ZNF292: variants seen among roughly 807,000 people sequenced by gnomAD.
The protein encoded by ZNF292 is zinc finger protein 292.
A neutral mutation model predicts 217.9 loss-of-function variants in ZNF292; 26 were observed. That is an observed-to-expected ratio of 0.12 (90% confidence interval 0.09 to 0.17). ZNF292 has a LOEUF of 0.17. ZNF292 is among the 10% of genes least tolerant of loss of function. ZNF292 has a pLI of 1.00. For synonymous variants in ZNF292, 1,257 were observed against 1,124.1 expected (o/e 1.12, Z -2.37); for missense variants, 2,904 against 3,175.2 (o/e 0.91, Z 2.05).
At chr6:87,192,428 A>G (rs1052845435) in intron 1 of ZNF292, among the ~76,000 whole-genome samples, 1 of 151,974 alleles carries the variant, frequency 6.6e-6, no homozygotes, top group Non-Finnish European at 1.5e-5. Flanking sequence ...TCCATCATGG[A>G]TAAGTCAGTT....
rs548794628 is a variant in ZNF292, at chr6:87,186,791, G to C, written c.169-29112G>C. Among the ~76,000 whole-genome samples the C allele has an allele frequency of 3.3e-5, 5 of 152,342 alleles. No individual in the cohort carries two copies. In the East Asian group the frequency reaches 9.6e-4, roughly 29 times the overall value. On this transcript the variant is annotated intron_variant, in intron 1 of 7. Coordinates refer to ENST00000369577, the MANE Select transcript of ZNF292 (RefSeq NM_015021.3). ...GGTGATTCGGAGGAAGGATAATTTGGAGTGGAAGGATCTCCAAAGAGGCAA... is the reference window on the plus strand; with the variant it reads ...GGTGATTCGGAGGAAGGATAATTTGCAGTGGAAGGATCTCCAAAGAGGCAA...
chr6:87,190,199 C>T (rs1448271961), intron 1 of ZNF292, among the ~76,000 whole-genome samples: 1 of 152,176 alleles, frequency 6.6e-6, no homozygotes, highest in Non-Finnish European at 1.5e-5. Context: ...AGACAACCTT[C>T]CATTTTTATA....
Position 87,257,204 on chromosome 6 carries a change from T to C in ZNF292, c.3575T>C (p.Phe1192Ser). 1.2e-6 allele frequency: 2 copies of C among 1,613,900 alleles called. No individual in the cohort carries two copies. Residue 1192 changes from phenylalanine to serine, a missense_variant, in exon 8 of 8, where the codon TTT becomes TCT. Physicochemically the swap from Phe to Ser is radical, Grantham distance 155 (BLOSUM62 -2). Coordinates refer to ENST00000369577, the MANE Select transcript of ZNF292 (RefSeq NM_015021.3). Reference sequence around the variant, plus strand: ...TTGCAGCATGTCTCGCCACCCATTTTTCCAGCTCATTTAGCAAGTGTGTCA... The same window carrying C: ...TTGCAGCATGTCTCGCCACCCATTTCTCCAGCTCATTTAGCAAGTGTGTCA... ...AQLQHVSPPI[F>S]PAHLASVSTP...
Position 87,259,601 on chromosome 6 carries a change from A to G in ZNF292, c.5972A>G (p.Lys1991Arg), listed in dbSNP as rs755525592. 5 of 1,578,566 alleles carry G rather than the reference A, an allele frequency of 3.2e-6. No individual in the cohort carries two copies. Among genetic ancestry groups the G allele is most frequent in the African/African-American group, 1.4e-5 (1 of 74,032 alleles). ...KLKIKRPYGR[K>R]SQSENVPASR... ...AAAATTAAAAGGCCTTATGGAAGAAAATCTCAGAGTGAAAATGTGCCGGCC... is the reference window on the plus strand; with the variant it reads ...AAAATTAAAAGGCCTTATGGAAGAAGATCTCAGAGTGAAAATGTGCCGGCC... The change falls in exon 8 of 8, where the codon AAA becomes AGA. Residue 1991 changes from lysine (K) to arginine (R), a missense_variant. Physicochemically the swap from Lys to Arg is conservative, Grantham distance 26. This residue lies in a region of ZNF292 where 261 missense variants were observed against 272.8 expected (regional missense o/e 0.96). Transcript: ENST00000369577.
intron 4 of ZNF292, among the ~76,000 whole-genome samples, chr6:87,227,392 G>A (rs542247971): frequency 6.6e-6 from 1 of 150,784 alleles, no homozygotes; most frequent in Non-Finnish European, 1.5e-5. Context: ...ATTTTTTTTT[G>A]ACCAACAATG....
chr6:87,203,673 A>G (rs1317450055), intron 1 of ZNF292, among the ~76,000 whole-genome samples: 1 of 151,888 alleles, frequency 6.6e-6, no homozygotes, highest in East Asian at 1.9e-4. Flanking sequence ...TGTTGGGGGA[A>G]GGCATCAGAC....
intron 1 of ZNF292, among the ~76,000 whole-genome samples, chr6:87,195,460 T>C (rs1771929003): frequency 6.6e-6 from 1 of 152,208 alleles, no homozygotes; most frequent in Admixed American, 6.5e-5. Context: ...AAAATTGTTT[T>C]TTAGATAAAG....
At chr6:87,238,900 C>T (rs1429707170) in intron 5 of ZNF292, among the ~76,000 whole-genome samples, 1 of 151,818 alleles carries the variant, frequency 6.6e-6, no homozygotes, top group Non-Finnish European at 1.5e-5. Flanking sequence ...AGCATGCTGC[C>T]TTCAAGCATC....
chr6:87,156,590 C>T (rs749249764), intron 1 of ZNF292, among the ~76,000 whole-genome samples: 3 of 152,166 alleles, frequency 2.0e-5, no homozygotes, highest in East Asian at 1.9e-4. Context: ...ACCCCCTCAC[C>T]CCTGTTTCTT....
At position 87,259,499 on chromosome 6, in the gene ZNF292, C is replaced by T. The variant is rs1562191858; in HGVS notation, c.5870C>T (p.Thr1957Ile). 6.3e-7 allele frequency: 1 copy of T among 1,589,256 alleles called. No homozygotes were observed. The change falls in exon 8 of 8, where the codon ACA becomes ATA. Residue 1957 changes from threonine to isoleucine, a missense_variant. Physicochemically the swap from Thr to Ile is moderately conservative, Grantham distance 89. Around this residue, in one of 15 missense-constraint regions of ZNF292, gnomAD observed 50 missense variants for 90.5 expected, o/e 0.55. Transcript: ENST00000369577. ...FKCVVPTCTK[T>I]FTRNSNLRAH... The stretch of plus-strand genomic sequence containing the variant: ...TGTGTAGTACCTACATGTACAAAAA[C>T]ATTTACAAGAAATTCTAACCTCCGG...
Position 87,168,105 on chromosome 6 carries a change from GAA to G in ZNF292, c.168+12348_168+12349del, listed in dbSNP as rs537411407. Among the ~76,000 whole-genome samples the G allele has an allele frequency of 7.2e-5, 11 of 152,334 alleles. No individual in the cohort carries two copies. The South Asian group carries it at 2.3e-3, about 32-fold the overall frequency. On this transcript the variant is annotated intron_variant, in intron 1 of 7. Coordinates refer to ENST00000369577, the MANE Select transcript of ZNF292 (RefSeq NM_015021.3). ...GAGGCAAGACCAACCAGATTGAAGA[GAA>G]AGGGAATCAGTATTCAGAACAGGCA...
chr6:87,234,572 A>AG (rs1773808561), intron 5 of ZNF292, among the ~76,000 whole-genome samples: 1 of 151,934 alleles, frequency 6.6e-6, no homozygotes, highest in African/African-American at 2.4e-5. Flanking sequence ...AAAAAAAAAA[A>AG]ATTTTTTTTA....
At chr6:87,181,524 CAAA>C (rs1345448360) in intron 1 of ZNF292, among the ~76,000 whole-genome samples, 7 of 152,102 alleles carry the variant, frequency 4.6e-5, no homozygotes, top group Admixed American at 1.3e-4. Context: ...TTTTTGGGCG[CAAA>C]AACAGGAATG....
intron 1 of ZNF292, among the ~76,000 whole-genome samples, chr6:87,198,836 A>G (rs573469104): frequency 6.6e-6 from 1 of 152,364 alleles, no homozygotes; most frequent in Admixed American, 6.5e-5. Flanking sequence ...AAAAGCTATC[A>G]AATATTTCAT....
Position 87,265,135 on chromosome 6 carries a change from CAG to C in ZNF292, c.*3337_*3338del, listed in dbSNP as rs1775770453. On this transcript the variant is annotated 3_prime_UTR_variant, in exon 8 of 8. Coordinates refer to ENST00000369577, the MANE Select transcript of ZNF292 (RefSeq NM_015021.3). ...TTTTTTTCTTTGTTTTTTTTGGAGA[CAG>C]AGTCTCGCTCTGTTGCCCAGGCTGG... is the stretch of plus-strand genomic sequence containing the variant. Among the ~76,000 whole-genome samples, 1 of 151,556 alleles carries C rather than the reference CAG, an allele frequency of 6.6e-6. No individual in the cohort carries two copies. Among genetic ancestry groups the C allele is most frequent in the South Asian group, 2.1e-4 (1 of 4,814 alleles).
intron 5 of ZNF292, among the ~76,000 whole-genome samples, chr6:87,242,157 CTTTT>C (rs536982017): frequency 6.6e-6 from 1 of 152,010 alleles, no homozygotes; most frequent in Non-Finnish European, 1.5e-5. Context: ...ATCCTTCGGT[CTTTT>C]TTTATTTGCT....
At chr6:87,252,854 C>A (rs6910863) in intron 7 of ZNF292, among the ~76,000 whole-genome samples, 15,571 of 152,064 alleles carry the variant, frequency 0.1, 844 homozygotes, top group East Asian at 0.13. Context: ...TCAAGAGACA[C>A]CCATATGGTC....
At chr6:87,165,758 T>TC (rs68016307) in intron 1 of ZNF292, among the ~76,000 whole-genome samples, 1 of 18,060 alleles carries the variant, frequency 5.5e-5, no homozygotes, top group African/African-American at 1.2e-3. Context: ...TTTACATTTC[T>TC]TTTTTTTTTT....
At chr6:87,192,364 G>GTT (rs568245991) in intron 1 of ZNF292, among the ~76,000 whole-genome samples, 1 of 142,780 alleles carries the variant, frequency 7.0e-6, no homozygotes. Flanking sequence ...GGTGAGGGTG[G>GTT]TTTTTTTTTT....
Sources: allele counts gnomAD v4.1 joint callset (sites outside exome capture counted in the v4.1 genomes callset), GRCh38; gene constraint gnomAD v4.1.1; regional missense constraint gnomAD v4.1.1; transcripts MANE v1.5; gene names NCBI Gene and HGNC (gene_info 2026-07-23, HGNC 2026-07-21).